The following ACTR2 variants were observed in gnomAD, a reference collection of about 807,000 sequenced individuals.
ACTR2 encodes actin-related protein 2.
In ACTR2, 5 loss-of-function variants were observed where a neutral mutation model predicts 50.2. That is an observed-to-expected ratio of 0.10 (90% confidence interval 0.05 to 0.21). ACTR2 has a LOEUF of 0.21. ACTR2 is among the 10% of genes least tolerant of loss of function. The pLI is 1.00. For synonymous variants in ACTR2, 140 were observed against 162.9 expected (o/e 0.86, Z 1.07); for missense variants, 180 against 480.6 (o/e 0.37, Z 5.85).
chr2:65,257,900 C>A (rs1312651216), intron 6 of ACTR2, among the ~76,000 whole-genome samples: 2 of 152,170 alleles, frequency 1.3e-5, no homozygotes, highest in African/African-American at 4.8e-5. Flanking sequence ...GTTGCCTGTT[C>A]ACTCTGATGA....
At chr2:65,251,256 G>A (rs1318139037) in intron 4 of ACTR2, among the ~76,000 whole-genome samples, 157 bp downstream of exon 4, 1 of 151,656 alleles carries the variant, frequency 6.6e-6, no homozygotes, top group East Asian at 1.9e-4. Context: ...TAAAATTTGT[G>A]AAATAAGATT....
intron 1 of ACTR2, among the ~76,000 whole-genome samples, chr2:65,233,411 T>C (rs544941476): frequency 6.6e-6 from 1 of 151,908 alleles, no homozygotes; most frequent in South Asian, 2.1e-4. Flanking sequence ...TCCCAGCACT[T>C]TGGGAGGTAA....
At position 65,269,225 on chromosome 2, in the gene ACTR2, C is replaced by T. The variant is rs539690732; in HGVS notation, c.*491C>T. 1 of 151,646 alleles carries T rather than the reference C, an allele frequency of 6.6e-6. No individual in the cohort carries two copies. The highest frequency in any genetic ancestry group is 2.1e-4 in the South Asian group (1 of 4,800). The allele number at this position is 151,646 out of a possible 1,614,324, so 9.4% of individuals were successfully genotyped here. ...GGCGCTTTCAACTGTACTGCTGCAG[C>T]TTTAAGTACCTTAAAGCTTCTCCTG... On this transcript the variant is annotated 3_prime_UTR_variant, in exon 9 of 9. Transcript: ENST00000260641.
In ACTR2 at chr2:65,268,828, CCT is replaced by C; in HGVS notation, c.*101_*102del. On this transcript the variant is annotated 3_prime_UTR_variant, in exon 9 of 9. Coordinates refer to ENST00000260641, the MANE Select transcript of ACTR2 (RefSeq NM_005722.4). ...ATTCAACTCCAGGACATGGAAGAGG[CCT>C]CTCTCTGCCCTTTGACTGGAAAGGT... The C allele has an allele frequency of 7.7e-7, 1 of 1,302,820 alleles. No individual in the cohort carries two copies. The allele number at this position is 1,302,820 out of a possible 1,614,324, so 80.7% of individuals were successfully genotyped here.
chr2:65,242,019 C>G (rs1671847702), intron 2 of ACTR2: 3 of 1,607,494 alleles, frequency 1.9e-6, no homozygotes, highest in South Asian at 1.1e-5. Flanking sequence ...TACCTTCTCT[C>G]TCTTCACCTT....
chr2:65,234,062 C>T, intron 1 of ACTR2, among the ~76,000 whole-genome samples: 1 of 152,158 alleles, frequency 6.6e-6, no homozygotes, highest in Non-Finnish European at 1.5e-5. Context: ...AGGTGTGTGT[C>T]ACCACGCCTG....
At chr2:65,228,117 C>A in intron 1 of ACTR2, 160 bp downstream of exon 1, 1 of 570,594 alleles carries the variant, frequency 1.8e-6, no homozygotes, top group South Asian at 3.8e-5. Flanking sequence ...GCGAGCCGGC[C>A]GTTCCCTGGT....
Position 65,269,565 on chromosome 2 carries a change from A to AG in ACTR2, c.*832dup, listed in dbSNP as rs35502573. ...ACTCCCTACAGTCCTTCAATGGAAA[A>AG]GTAACATTTAAAAATCCTTTGGGTA... On this transcript the variant is annotated 3_prime_UTR_variant, in exon 9 of 9. Transcript: ENST00000260641. 6.6e-6 allele frequency: 1 copy of AG among 152,216 alleles called. No homozygotes were observed. Among genetic ancestry groups the AG allele is most frequent in the South Asian group, 2.1e-4 (1 of 4,832 alleles). The allele number at this position is 152,216 out of a possible 1,614,324, so 9.4% of individuals were successfully genotyped here.
chr2:65,244,705 T>C (rs1671902229), intron 2 of ACTR2, among the ~76,000 whole-genome samples: 3 of 152,114 alleles, frequency 2.0e-5, no homozygotes, highest in South Asian at 4.1e-4. Flanking sequence ...CCTAGCACTT[T>C]GGGAGGCTGA....
chr2:65,240,469 A>C (rs1671819574), intron 2 of ACTR2, among the ~76,000 whole-genome samples: 1 of 152,128 alleles, frequency 6.6e-6, no homozygotes, highest in African/African-American at 2.4e-5. Context: ...TTATTTCCAT[A>C]ATGTGCAGAA....
chr2:65,235,241 A>T (rs1402265377), intron 1 of ACTR2, among the ~76,000 whole-genome samples: 1 of 151,932 alleles, frequency 6.6e-6, no homozygotes, highest in Non-Finnish European at 1.5e-5. Context: ...AAAATACTAG[A>T]TGTTATTCTT....
intron 2 of ACTR2, among the ~76,000 whole-genome samples, chr2:65,240,470 A>G (rs1039809732): frequency 1.3e-5 from 2 of 152,148 alleles, no homozygotes; most frequent in African/African-American, 2.4e-5. Context: ...TATTTCCATA[A>G]TGTGCAGAAG....
chr2:65,256,824 A>T (rs1393543693), intron 6 of ACTR2, among the ~76,000 whole-genome samples: 2 of 150,666 alleles, frequency 1.3e-5, no homozygotes, highest in African/African-American at 2.4e-5. Flanking sequence ...GTGAGCTGAG[A>T]TCGTGCCACT....
At chr2:65,254,114 T>A (rs778995096) in intron 5 of ACTR2, among the ~76,000 whole-genome samples, 24 of 152,222 alleles carry the variant, frequency 1.6e-4, no homozygotes, top group Non-Finnish European at 2.9e-4. Context: ...CATTATATCA[T>A]TACATAATTA....
intron 3 of ACTR2, among the ~76,000 whole-genome samples, chr2:65,250,691 AAAG>A (rs1672031569): frequency 1.3e-5 from 2 of 151,664 alleles, no homozygotes; most frequent in Non-Finnish European, 2.9e-5. Flanking sequence ...AAAAAAAAAA[AAAG>A]AATTTCCCTT....
chr2:65,246,826 A>G lies in ACTR2; in HGVS notation c.375+87A>G. The G allele has an allele frequency of 3.1e-6, 3 of 962,998 alleles. No individual in the cohort carries two copies. The South Asian group carries it at 5.0e-5, about 16-fold the overall frequency. 59.7% of individuals were successfully genotyped at this position (962,998 alleles called of 1,614,324 possible). ...TTTCTTACTGTTGCTATGGATAAAG[A>G]GAATAAAAATAATTGTTTTCCTTCA... On this transcript the variant is annotated intron_variant, in intron 3 of 8. Coordinates refer to ENST00000260641, the MANE Select transcript of ACTR2 (RefSeq NM_005722.4).
intron 1 of ACTR2, among the ~76,000 whole-genome samples, chr2:65,235,169 G>GGTGT (rs35663752): frequency 6.3e-4 from 95 of 149,890 alleles, no homozygotes; most frequent in African/African-American, 1.5e-3. Context: ...GTGTGTGAGA[G>GGTGT]GTGTGTGTGT....
In ACTR2 at chr2:65,238,643, A is replaced by C. The variant is rs1277866610; in HGVS notation, c.49-1209A>C. Among the ~76,000 whole-genome samples the C allele has an allele frequency of 7.7e-5, 8 of 103,440 alleles. No individual in the cohort carries two copies. The Admixed American group carries it at 7.9e-4, about 10-fold the overall frequency. 67.9% of individuals were successfully genotyped at this position (103,440 alleles called of 152,430 possible). On this transcript the variant is annotated intron_variant, in intron 1 of 8. Coordinates refer to ENST00000260641, the MANE Select transcript of ACTR2 (RefSeq NM_005722.4). ...CACTGCACTCCACCCTGGGCGACAGAGCGAGACTGTCTAAAAAAAAAAAAA... is the reference window on the plus strand; with the variant it reads ...CACTGCACTCCACCCTGGGCGACAGCGCGAGACTGTCTAAAAAAAAAAAAA...
chr2:65,237,105 A>G (rs1019989795), intron 1 of ACTR2, among the ~76,000 whole-genome samples: 8 of 152,160 alleles, frequency 5.3e-5, no homozygotes, highest in African/African-American at 1.9e-4. Flanking sequence ...AGGCAGTTGG[A>G]ATTCATCAGT....
Sources: allele counts gnomAD v4.1 joint callset (sites outside exome capture counted in the v4.1 genomes callset), GRCh38; gene constraint gnomAD v4.1.1; transcripts MANE v1.5; gene names NCBI Gene and HGNC (gene_info 2026-07-23, HGNC 2026-07-21).